Variants in PTPRK observed in about 807,000 individuals in gnomAD.
The protein encoded by PTPRK is receptor-type tyrosine-protein phosphatase kappa.
Under a neutral mutation model 178.0 loss-of-function variants are expected in PTPRK, and 75 were observed. The ratio of observed to expected loss-of-function variants is 0.42; its 90% CI spans 0.35 to 0.51. The LOEUF (loss-of-function observed/expected upper bound fraction) is 0.51. Among genes scored for constraint, PTPRK ranks in the 20% least tolerant of loss-of-function variants. The pLI is 0.02. For missense variants in PTPRK, 1,441 were observed against 1,797.8 expected, an observed-to-expected ratio of 0.80 and a Z score of 3.59; for synonymous variants, 637 against 620.6, an observed-to-expected ratio of 1.03 and a Z score of -0.39.
intron 3 of PTPRK, among the ~76,000 whole-genome samples, chr6:128,266,664 G>A (rs1819002291): frequency 6.6e-6 from 1 of 152,034 alleles, no homozygotes; most frequent in African/African-American, 2.4e-5. Flanking sequence ...GTCCAAAAGT[G>A]CAGGATACTG....
chr6:127,997,638 A>T (rs1777311236), intron 16 of PTPRK, among the ~76,000 whole-genome samples: 1 of 152,090 alleles, frequency 6.6e-6, no homozygotes, highest in Non-Finnish European at 1.5e-5. Context: ...TCAACACAGG[A>T]AACGGGGTCT....
intron 1 of PTPRK, among the ~76,000 whole-genome samples, chr6:128,420,352 A>G (rs1215289592): frequency 6.6e-6 from 1 of 152,230 alleles, no homozygotes; most frequent in African/African-American, 2.4e-5. Context: ...TTATTTGCAC[A>G]ATTTTGCCTG....
At chr6:128,142,028 C>T (rs1424088798) in intron 7 of PTPRK, among the ~76,000 whole-genome samples, 1 of 151,860 alleles carries the variant, frequency 6.6e-6, no homozygotes, top group African/African-American at 2.4e-5. Flanking sequence ...ACTCCTTAAA[C>T]ACATATTATA....
chr6:128,287,613 C>G (rs1822712296), intron 3 of PTPRK, among the ~76,000 whole-genome samples: 1 of 152,234 alleles, frequency 6.6e-6, no homozygotes, highest in East Asian at 1.9e-4. Flanking sequence ...TGGTTTCAAA[C>G]TTTATCAAGA....
At chr6:128,354,231 G>GTTTTTTTTTTTTTTTTTATTTTTTTTTT (rs1833619011) in intron 2 of PTPRK, among the ~76,000 whole-genome samples, 1 of 49,358 alleles carries the variant, frequency 2.0e-5, no homozygotes, top group Non-Finnish European at 3.2e-5. Flanking sequence ...TTTTGTTTAT[G>GTTTTTTTTTTTTTTTTTATTTTTTTTTT]TTTTTTTTTT....
rs779054647 is a variant in PTPRK, at chr6:127,983,250, G to A, written c.3379C>T (p.Gln1127Ter). The change falls in exon 23 of 30, where the codon CAG becomes TAG. Residue 1127 changes from glutamine to a stop codon, truncating the protein, a stop_gained. Coordinates refer to ENST00000368226, the MANE Select transcript of PTPRK (RefSeq NM_002844.4). LOFTEE classifies it high-confidence loss of function. Reference sequence around the variant, plus strand: ...CAGGTAAATCTACATACCTCTGTCTGGACCATATTAATACGCCGAGATCTT... The same window carrying A: ...CAGGTAAATCTACATACCTCTGTCTAGACCATATTAATACGCCGAGATCTT... Reference protein sequence around the residue: ...ALRSRRINMVQTEEQYIFIHD... With the variant: ...ALRSRRINMV 1.9e-6 allele frequency: 3 copies of A among 1,610,182 alleles called. No individual in the cohort carries two copies. Among genetic ancestry groups the A allele is most frequent in the Non-Finnish European group, 2.5e-6 (3 of 1,177,946 alleles).
intron 2 of PTPRK, among the ~76,000 whole-genome samples, chr6:128,348,212 A>G (rs931694775): frequency 6.6e-6 from 1 of 152,146 alleles, no homozygotes; most frequent in Non-Finnish European, 1.5e-5. Context: ...AAATTTTCCA[A>G]TTAATCAATT....
intron 3 of PTPRK, among the ~76,000 whole-genome samples, chr6:128,308,741 C>T (rs773950039): frequency 1.3e-5 from 2 of 152,148 alleles, no homozygotes; most frequent in African/African-American, 2.4e-5. Flanking sequence ...AACCACCCTA[C>T]GAAGTCCAGC....
At chr6:128,246,775 G>T (rs541836516) in intron 3 of PTPRK, among the ~76,000 whole-genome samples, 67 of 152,320 alleles carry the variant, frequency 4.4e-4, no homozygotes, top group African/African-American at 1.6e-3. Flanking sequence ...CAGGAGGCCA[G>T]CCTGGGAGCA....
At chr6:127,991,715 CTT>C (rs1359458974) in intron 19 of PTPRK, among the ~76,000 whole-genome samples, 1 of 150,828 alleles carries the variant, frequency 6.6e-6, no homozygotes, top group African/African-American at 2.4e-5. Flanking sequence ...AAATAGAACT[CTT>C]ATACCACCAT....
At chr6:128,192,539 G>C (rs1461604506) in intron 6 of PTPRK, among the ~76,000 whole-genome samples, 1 of 152,108 alleles carries the variant, frequency 6.6e-6, no homozygotes, top group South Asian at 2.1e-4. Flanking sequence ...AAACTTATCA[G>C]CTGGGAGCAG....
chr6:128,120,965 GA>G (rs1792361870), intron 7 of PTPRK, among the ~76,000 whole-genome samples: 1 of 151,662 alleles, frequency 6.6e-6, no homozygotes, highest in Non-Finnish European at 1.5e-5. Flanking sequence ...AATTGGAAGA[GA>G]AAAAAATAAT....
At chr6:128,473,516 T>G (rs1035892775) in intron 1 of PTPRK, among the ~76,000 whole-genome samples, 1 of 151,576 alleles carries the variant, frequency 6.6e-6, no homozygotes, top group African/African-American at 2.4e-5. Context: ...TAATTCCAAT[T>G]TAGTATCCAA....
rs886499796 is a variant in PTPRK at position 128,019,141 on chromosome 6, A to T, written c.2195-9873T>A. 5.3e-4 allele frequency among the ~76,000 whole-genome samples: 80 copies of T among 152,218 alleles called. 4 individuals carry two copies. On this transcript the variant is annotated intron_variant, in intron 13 of 29. Transcript: ENST00000368226. ...TTTCTTAGAATCATTCAACAAAAAA[A>T]GTCCAACTCCAGTTTTCAAATAAAG...
At chr6:128,175,608 T>C (rs904197814) in intron 7 of PTPRK, among the ~76,000 whole-genome samples, 11 of 151,804 alleles carry the variant, frequency 7.2e-5, no homozygotes, top group African/African-American at 2.4e-4. Context: ...TATAGAACTG[T>C]ATATACTTTG....
chr6:128,288,412 T>A (rs549183813), intron 3 of PTPRK, among the ~76,000 whole-genome samples: 2 of 152,310 alleles, frequency 1.3e-5, no homozygotes, highest in Admixed American at 6.5e-5. Flanking sequence ...AATATCTCTA[T>A]CTGCATACTC....
At chr6:128,319,108 G>C (rs1263952522) in intron 3 of PTPRK, among the ~76,000 whole-genome samples, 1 of 152,162 alleles carries the variant, frequency 6.6e-6, no homozygotes, top group Non-Finnish European at 1.5e-5. Flanking sequence ...CTCTAAGTAA[G>C]TGTGATTTAA....
At chr6:128,033,785 G>GA (rs1412609912) in intron 13 of PTPRK, among the ~76,000 whole-genome samples, 1 of 152,002 alleles carries the variant, frequency 6.6e-6, no homozygotes, top group Admixed American at 6.6e-5. Flanking sequence ...ACTGAGGGGG[G>GA]AGTATTTCTT....
intron 7 of PTPRK, among the ~76,000 whole-genome samples, chr6:128,122,528 C>T (rs1792649552): frequency 6.6e-6 from 1 of 152,090 alleles, no homozygotes; most frequent in Non-Finnish European, 1.5e-5. Context: ...TGACTTTAAA[C>T]CTTAAAGTAG....
Sources: gnomAD v4.1 joint callset for allele counts (sites outside exome capture counted in the v4.1 genomes callset) on GRCh38, gnomAD v4.1.1 for gene constraint, MANE v1.5 for transcripts, NCBI Gene and HGNC (gene_info 2026-07-23, HGNC 2026-07-21) for gene names.